The following SLC30A8 variants were observed in gnomAD, a reference collection of about 807,000 sequenced individuals.
SLC30A8 encodes the protein solute carrier family 30 member 8.
A neutral mutation model predicts 36.9 loss-of-function variants in SLC30A8; 27 were observed. The ratio of observed to expected loss-of-function variants is 0.73; its 90% confidence interval spans 0.54 to 1.01. The LOEUF is 1.01. Among genes scored for constraint, SLC30A8 ranks in the 50% least tolerant of loss-of-function variants. The probability of loss-of-function intolerance (pLI) is 0.00; values close to 1 mark genes in which losing one functional copy is unlikely to be tolerated. For synonymous variants in SLC30A8, 164 were observed against 172.4 expected (o/e 0.95, Z 0.38); for missense variants, 439 against 452.0 (o/e 0.97, Z 0.26).
chr8:117,051,166 A>T (rs778024930), intron 2 of SLC30A8, among the ~76,000 whole-genome samples: 62 of 152,176 alleles, frequency 4.1e-4, no homozygotes, highest in Non-Finnish European at 7.8e-4. Flanking sequence ...AAAGGAACAG[A>T]TTAGGAAGTT....
intron 1 of SLC30A8, among the ~76,000 whole-genome samples, chr8:116,970,878 T>G (rs1017917061): frequency 1.3e-5 from 2 of 152,170 alleles, no homozygotes; most frequent in Non-Finnish European, 2.9e-5. Flanking sequence ...GTGGATCACC[T>G]GAGGTCAGGG....
At chr8:117,037,042 T>C (rs1169111225) in intron 1 of SLC30A8, among the ~76,000 whole-genome samples, 1 of 152,178 alleles carries the variant, frequency 6.6e-6, no homozygotes, top group Non-Finnish European at 1.5e-5. Flanking sequence ...TTTTTTCATG[T>C]TAGGAAGACA....
Position 116,998,315 on chromosome 8 carries a change from G to C in SLC30A8, c.-265-40904G>C, listed in dbSNP as rs563896730. Among the ~76,000 whole-genome samples the C allele has an allele frequency of 9.5e-4, 144 of 152,318 alleles. 4 individuals are homozygous for C. The South Asian group carries it at 0.027, about 29-fold the overall frequency. On this transcript the variant is annotated intron_variant, in intron 1 of 10. Coordinates refer to the SLC30A8 transcript ENST00000427715. ...TGCTCTCAAGTGGCAATGATGGCCA[G>C]AAATTTGGCTTCTTCAAGAAGCAGA...
chr8:117,148,661 A>T (rs528668178), intron 2 of SLC30A8, among the ~76,000 whole-genome samples: 1 of 152,246 alleles, frequency 6.6e-6, no homozygotes, highest in South Asian at 2.1e-4. Context: ...CTTTCCCTCC[A>T]GGAATATGTT....
chr8:117,002,547 G>A (rs1816045821), intron 1 of SLC30A8, among the ~76,000 whole-genome samples: 2 of 152,020 alleles, frequency 1.3e-5, no homozygotes, highest in African/African-American at 4.8e-5. Context: ...GAGTAAAAAT[G>A]TGATTTATAA....
chr8:117,135,323 C>A lies in SLC30A8; in HGVS notation c.-5C>A. On this transcript the variant is annotated 5_prime_UTR_variant, in exon 1 of 8. Transcript: ENST00000456015. ...CAACAACAGCCGCAGCTCATCCTGG[C>A]CGTCATGGAGTTTCTTGAAAGAACG... 2 of 1,587,878 alleles carry A rather than the reference C, an allele frequency of 1.3e-6. No individual in the cohort carries two copies. The highest frequency in any genetic ancestry group is 1.2e-5 in the South Asian group (1 of 85,868).
At chr8:117,036,478 C>CA (rs1817215978) in intron 1 of SLC30A8, among the ~76,000 whole-genome samples, 3 of 152,210 alleles carry the variant, frequency 2.0e-5, no homozygotes, top group Admixed American at 2.0e-4. Flanking sequence ...AAGAACTACC[C>CA]AATACTGGGT....
intron 1 of SLC30A8, among the ~76,000 whole-genome samples, chr8:117,026,208 CAT>C (rs764134795): frequency 6.6e-6 from 1 of 152,150 alleles, no homozygotes; most frequent in Non-Finnish European, 1.5e-5. Context: ...GGATTAGTGA[CAT>C]GTCAACATTT....
chr8:117,098,855 T>G (rs560982637), intron 2 of SLC30A8, among the ~76,000 whole-genome samples: 1 of 152,232 alleles, frequency 6.6e-6, no homozygotes, highest in Admixed American at 6.5e-5. Flanking sequence ...ATAGTTAGCT[T>G]CTGGGGAAAA....
At chr8:117,122,376 A>G (rs2130903818) in intron 2 of SLC30A8, among the ~76,000 whole-genome samples, 1 of 152,082 alleles carries the variant, frequency 6.6e-6, no homozygotes, top group Admixed American at 6.6e-5. Flanking sequence ...AGTAAGTTGG[A>G]TGCTGTTATA....
At chr8:117,011,796 C>G (rs1816352703) in intron 1 of SLC30A8, among the ~76,000 whole-genome samples, 1 of 152,150 alleles carries the variant, frequency 6.6e-6, no homozygotes, top group Admixed American at 6.6e-5. Flanking sequence ...TAACTTTTAA[C>G]TACTCAATAA....
rs143587773 is a variant in SLC30A8 at position 117,008,383 on chromosome 8, C to A, written c.-265-30836C>A. Among the ~76,000 whole-genome samples, 19 of 152,184 alleles carry A rather than the reference C, an allele frequency of 1.2e-4. No homozygotes were observed. The East Asian group carries it at 3.5e-3, about 28-fold the overall frequency. ...TCAATAACTTTAACAGGAGAGAATC[C>A]CAAAGAAAAGCTATTTTATTTGAGA... is the stretch of plus-strand genomic sequence containing the variant. On this transcript the variant is annotated intron_variant, in intron 1 of 10. Coordinates refer to the SLC30A8 transcript ENST00000427715.
At chr8:117,159,427 A>G (rs1822666021) in intron 4 of SLC30A8, among the ~76,000 whole-genome samples, 1 of 152,204 alleles carries the variant, frequency 6.6e-6, no homozygotes, top group South Asian at 2.1e-4. Flanking sequence ...GTACACTTTG[A>G]AAAAGGTCCT....
chr8:116,988,254 G>C (rs1586365899), intron 1 of SLC30A8, among the ~76,000 whole-genome samples: 1 of 152,168 alleles, frequency 6.6e-6, no homozygotes, highest in East Asian at 1.9e-4. Flanking sequence ...GGAGCTCATG[G>C]CAAATAATTA....
At position 117,167,480 on chromosome 8, in the gene SLC30A8, C is replaced by CATAT. The variant is rs370309015; in HGVS notation, c.830-3544_830-3541dup. 5.8e-3 allele frequency among the ~76,000 whole-genome samples: 696 copies of CATAT among 121,042 alleles called. 33 individuals carry two copies. The East Asian group carries it at 0.089, about 15-fold the overall frequency. The allele number at this position is 121,042 out of a possible 152,430, so 79.4% of individuals were successfully genotyped here. On this transcript the variant is annotated intron_variant, in intron 6 of 7. Transcript: ENST00000456015. ...CTTTCCAAAGATATTTGTGCATTTG[C>CATAT]ATATATATATATACATACATACATG...
intron 2 of SLC30A8, among the ~76,000 whole-genome samples, chr8:117,119,513 T>C (rs1820597226): frequency 6.6e-6 from 1 of 151,884 alleles, no homozygotes; most frequent in South Asian, 2.1e-4. Context: ...TACATTCTTT[T>C]AGGAATTATT....
chr8:117,146,607 A>G (rs1165617210), intron 1 of SLC30A8, among the ~76,000 whole-genome samples: 2 of 152,044 alleles, frequency 1.3e-5, no homozygotes, highest in East Asian at 1.9e-4. Flanking sequence ...ATTTTTTTGT[A>G]GCACAGTGTC....
chr8:116,960,333 T>A (rs947612078), intron 1 of SLC30A8, among the ~76,000 whole-genome samples: 1 of 152,206 alleles, frequency 6.6e-6, no homozygotes, highest in Non-Finnish European at 1.5e-5. Flanking sequence ...GAAAGGATGC[T>A]CTTTATTAAT....
chr8:117,014,661 C>T (rs1816453515), intron 1 of SLC30A8, among the ~76,000 whole-genome samples: 1 of 152,132 alleles, frequency 6.6e-6, no homozygotes, highest in African/African-American at 2.4e-5. Flanking sequence ...TATCTCAGTT[C>T]CTTTCTCAGG....
Sources: gnomAD v4.1 joint callset for allele counts (sites outside exome capture counted in the v4.1 genomes callset) on GRCh38, gnomAD v4.1.1 for gene constraint, MANE v1.5 for transcripts, NCBI Gene and HGNC (gene_info 2026-07-23, HGNC 2026-07-21) for gene names.